DST: variants seen among roughly 807,000 people sequenced by gnomAD.
DST encodes dystonin, also known as bullous pemphigoid antigen.
A neutral mutation model predicts 875.2 loss-of-function variants in DST; 253 were observed. The observed-to-expected ratio is 0.29, with a 90% confidence interval of 0.26 to 0.32. The LOEUF is 0.32. Among genes scored for constraint, DST ranks in the 10% least tolerant of loss-of-function variants. The pLI is 1.00. For missense variants in DST, 8,287 were observed against 9,111.6 expected (o/e 0.91, Z 3.68); for synonymous variants, 3,124 against 3,197.1 (o/e 0.98, Z 0.77).
At chr6:56,733,331 G>C (rs2099509777) in intron 5 of DST, among the ~76,000 whole-genome samples, 1 of 152,144 alleles carries the variant, frequency 6.6e-6, no homozygotes, top group Non-Finnish European at 1.5e-5. Context: ...AAAAGTACTT[G>C]ATGTAATAAA....
chr6:56,609,962 T>G (rs945188035), intron 39 of DST, among the ~76,000 whole-genome samples: 6 of 152,194 alleles, frequency 3.9e-5, no homozygotes, highest in Non-Finnish European at 8.8e-5. Context: ...AGCCAAATTT[T>G]AAATGATTTA....
chr6:56,815,704 C>T (rs1319398382), intron 4 of DST, among the ~76,000 whole-genome samples: 69 of 152,242 alleles, frequency 4.5e-4, no homozygotes, highest in Admixed American at 4.5e-3. Context: ...TAAAGTTAAA[C>T]AAGCACAGCT....
At chr6:56,668,764 G>A (rs982464456) in intron 10 of DST, among the ~76,000 whole-genome samples, 7 of 151,450 alleles carry the variant, frequency 4.6e-5, no homozygotes, top group East Asian at 1.9e-4. Context: ...ACAAAATTCC[G>A]TCTCAAAAAA....
intron 3 of DST, among the ~76,000 whole-genome samples, chr6:56,865,000 G>A (rs1231163400): frequency 6.6e-6 from 1 of 152,126 alleles, no homozygotes; most frequent in African/African-American, 2.4e-5. Flanking sequence ...GCTTCAGTAT[G>A]AATAAGGCCA....
At chr6:56,724,516 G>C (rs2099438436) in intron 5 of DST, among the ~76,000 whole-genome samples, 1 of 152,214 alleles carries the variant, frequency 6.6e-6, no homozygotes, top group Admixed American at 6.5e-5. Context: ...TCAGGCAGGA[G>C]GTTGAAATGC....
At chr6:56,770,961 T>C (rs2099657512) in intron 4 of DST, among the ~76,000 whole-genome samples, 1 of 147,908 alleles carries the variant, frequency 6.8e-6, no homozygotes, top group Admixed American at 6.8e-5. Flanking sequence ...ATCACACCAT[T>C]GCACTCCAGC....
At chr6:56,655,238 T>C (rs752897114) in intron 10 of DST, among the ~76,000 whole-genome samples, 1 of 137,004 alleles carries the variant, frequency 7.3e-6, no homozygotes, top group African/African-American at 2.7e-5. Flanking sequence ...CAAACACCAA[T>C]ACACTCAACT....
At chr6:56,570,291 T>C (rs2097759975) in intron 53 of DST, among the ~76,000 whole-genome samples, 1 of 152,192 alleles carries the variant, frequency 6.6e-6, no homozygotes, top group Non-Finnish European at 1.5e-5. Flanking sequence ...TTGTGTGCTT[T>C]ATTTCTATTA....
chr6:56,584,320 G>C (rs557199825), intron 49 of DST, among the ~76,000 whole-genome samples: 5 of 151,994 alleles, frequency 3.3e-5, no homozygotes, highest in Non-Finnish European at 2.9e-5. Flanking sequence ...TCCCTTGTAA[G>C]TTGGATTCCT....
chr6:56,953,986 T>C (rs773705700), intron 1 of DST, among the ~76,000 whole-genome samples, 167 bp from the exon 2 acceptor site: 1 of 152,218 alleles, frequency 6.6e-6, no homozygotes, highest in Non-Finnish European at 1.5e-5. Flanking sequence ...GCCATCGGTC[T>C]CTACGTGATT....
chr6:56,618,831 T>G, intron 36 of DST: 2 of 1,614,216 alleles, frequency 1.2e-6, no homozygotes, highest in Non-Finnish European at 1.7e-6. Flanking sequence ...ACCATCTTTC[T>G]GTGGGTCATC....
chr6:56,599,863 A>C (rs904134625), intron 45 of DST, among the ~76,000 whole-genome samples: 1 of 152,066 alleles, frequency 6.6e-6, no homozygotes, highest in East Asian at 1.9e-4. Flanking sequence ...TTACCAAAAA[A>C]AGTCAAAAAA....
chr6:56,616,232 A>G (rs1179862565), intron 36 of DST: 4 of 1,614,050 alleles, frequency 2.5e-6, no homozygotes, highest in Admixed American at 1.7e-5. Context: ...GGCTTTGTCA[A>G]TTGTTCCCTG....
chr6:56,555,301 A>C (rs1408549317), intron 60 of DST, 44 bp downstream of exon 60: 2 of 1,526,230 alleles, frequency 1.3e-6, no homozygotes, highest in South Asian at 1.3e-5. Flanking sequence ...AATATATGAC[A>C]TTTATTTCTG....
chr6:56,712,066 G>C (rs1589044760), intron 5 of DST, among the ~76,000 whole-genome samples: 1 of 133,042 alleles, frequency 7.5e-6, no homozygotes. Context: ...ACTCCAGCCT[G>C]GGCGACAGAG....
intron 55 of DST, among the ~76,000 whole-genome samples, chr6:56,567,034 A>T (rs889837439): frequency 2.0e-5 from 3 of 152,166 alleles, no homozygotes; most frequent in African/African-American, 7.2e-5. Context: ...CAATCAGCCA[A>T]ACTGATGGGA....
chr6:56,521,545 A>G (rs1159396081), intron 69 of DST, among the ~76,000 whole-genome samples: 1 of 150,986 alleles, frequency 6.6e-6, no homozygotes, highest in African/African-American at 2.4e-5. Context: ...CCAAAAAAGG[A>G]AAGCTGAAAT....
At chr6:56,491,295 A>C (rs1401058828) in intron 85 of DST, among the ~76,000 whole-genome samples, 1 of 152,186 alleles carries the variant, frequency 6.6e-6, no homozygotes, top group Admixed American at 6.5e-5. Context: ...GCATCACCCA[A>C]CTGAGCTTAA....
chr6:56,896,213 T>C (rs1791207041), intron 3 of DST, among the ~76,000 whole-genome samples: 1 of 151,870 alleles, frequency 6.6e-6, no homozygotes, highest in South Asian at 2.1e-4. Flanking sequence ...GGTTTGGCTG[T>C]GTCCCCACCC....
Sources: allele counts gnomAD v4.1 joint callset (sites outside exome capture counted in the v4.1 genomes callset), GRCh38; gene constraint gnomAD v4.1.1; transcripts MANE v1.5; gene names NCBI Gene and HGNC (gene_info 2026-07-23, HGNC 2026-07-21).